Variants in ARPC2 observed in about 807,000 individuals in gnomAD.
ARPC2 encodes actin related protein 2/3 complex subunit 2.
Under a neutral mutation model 38.6 loss-of-function variants are expected in ARPC2, and 4 were observed. The observed-to-expected ratio is 0.10, with a 90% confidence interval of 0.05 to 0.24. The LOEUF (loss-of-function observed/expected upper bound fraction) is 0.24, where lower values mean the gene tolerates loss of function less well. ARPC2 is among the 10% of genes least tolerant of loss of function. ARPC2 has a pLI of 1.00. For synonymous variants in ARPC2, 125 were observed against 140.8 expected (o/e 0.89, Z 0.79); for missense variants, 229 against 387.3 (o/e 0.59, Z 3.43).
intron 8 of ARPC2, among the ~76,000 whole-genome samples, chr2:218,247,881 T>TG (rs755236233): frequency 6.6e-6 from 1 of 151,666 alleles, no homozygotes; most frequent in Non-Finnish European, 1.5e-5. Flanking sequence ...AGGCGGAGCT[T>TG]GCAATAGGCC....
At chr2:218,223,708 G>A (rs1689434129) in intron 2 of ARPC2, among the ~76,000 whole-genome samples, 1 of 152,178 alleles carries the variant, frequency 6.6e-6, no homozygotes. Context: ...TGGTCACATA[G>A]CCAATAAATT....
chr2:218,232,235 C>T (rs754208753), intron 4 of ARPC2, among the ~76,000 whole-genome samples: 11 of 150,866 alleles, frequency 7.3e-5, no homozygotes, highest in Non-Finnish European at 1.5e-4. Flanking sequence ...AGTGAGACTC[C>T]GTCTCAAAAA....
At chr2:218,223,807 T>C (rs2106144098) in intron 2 of ARPC2, among the ~76,000 whole-genome samples, 1 of 152,316 alleles carries the variant, frequency 6.6e-6, no homozygotes, top group East Asian at 1.9e-4. Flanking sequence ...CTATTAATTC[T>C]GGGGGCCTAT....
intron 10 of ARPC2, chr2:218,253,076 A>T: frequency 2.3e-6 from 1 of 439,910 alleles, no homozygotes; most frequent in Non-Finnish European, 4.6e-6. Flanking sequence ...GAAGCCAGGA[A>T]CCCTCGATGG....
At chr2:218,235,132 C>A (rs1689738894) in intron 5 of ARPC2, 1 of 299,096 alleles carries the variant, frequency 3.3e-6, no homozygotes, top group African/African-American at 2.2e-5. Flanking sequence ...GAAGGAAGTT[C>A]TCTGTCACTC....
intron 8 of ARPC2, among the ~76,000 whole-genome samples, chr2:218,246,598 T>C (rs1690038283): frequency 6.6e-6 from 1 of 152,050 alleles, no homozygotes; most frequent in African/African-American, 2.4e-5. Flanking sequence ...CCCAGCACTT[T>C]GGGAGTCCGA....
chr2:218,222,736 C>A (rs765478035), intron 2 of ARPC2, among the ~76,000 whole-genome samples: 2 of 152,190 alleles, frequency 1.3e-5, no homozygotes, highest in Non-Finnish European at 2.9e-5. Context: ...ATGAGCTAGG[C>A]ACTGTGCTAT....
chr2:218,237,513 C>A (rs891526906), intron 5 of ARPC2, among the ~76,000 whole-genome samples: 1 of 150,982 alleles, frequency 6.6e-6, no homozygotes, highest in African/African-American at 2.4e-5. Flanking sequence ...CTACCTGCCC[C>A]CCACCACCAA....
intron 2 of ARPC2, among the ~76,000 whole-genome samples, chr2:218,218,279 C>T (rs1325707267): frequency 2.0e-5 from 3 of 152,200 alleles, no homozygotes; most frequent in Admixed American, 1.3e-4. Context: ...TACATCAAGA[C>T]CCTAGGTCTG....
intron 3 of ARPC2, among the ~76,000 whole-genome samples, chr2:218,227,759 T>G (rs920361512): frequency 6.6e-6 from 1 of 152,002 alleles, no homozygotes; most frequent in Non-Finnish European, 1.5e-5. Flanking sequence ...CCCAGCTAAT[T>G]TTTTGTAATT....
chr2:218,245,883 G>C (rs561675704), intron 8 of ARPC2, among the ~76,000 whole-genome samples: 6 of 152,098 alleles, frequency 3.9e-5, no homozygotes, highest in Non-Finnish European at 8.8e-5. Context: ...AGTAGGAGAC[G>C]TCCTTAGGTT....
intron 4 of ARPC2, 134 bp downstream of exon 4, chr2:218,228,984 T>C (rs908789232): frequency 6.9e-6 from 4 of 579,644 alleles, no homozygotes; most frequent in African/African-American, 5.7e-5. Flanking sequence ...GCTCTTGACT[T>C]GATTCCTATA....
At chr2:218,219,854 C>T (rs1431387189) in intron 2 of ARPC2, among the ~76,000 whole-genome samples, 3 of 151,830 alleles carry the variant, frequency 2.0e-5, no homozygotes, top group African/African-American at 7.2e-5. Flanking sequence ...AAAAAAGAGA[C>T]CATGATATTG....
chr2:218,224,237 G>A (rs574671803), intron 2 of ARPC2, among the ~76,000 whole-genome samples: 1 of 152,256 alleles, frequency 6.6e-6, no homozygotes, highest in East Asian at 1.9e-4. Context: ...GAGCCCAAAG[G>A]TTATTTATTT....
intron 2 of ARPC2, among the ~76,000 whole-genome samples, chr2:218,223,401 C>T (rs1222722756): frequency 6.6e-6 from 1 of 152,220 alleles, no homozygotes; most frequent in African/African-American, 2.4e-5. Flanking sequence ...TTAATAATGG[C>T]TCCAAAGTAC....
At chr2:218,219,613 G>A (rs569377848) in intron 2 of ARPC2, among the ~76,000 whole-genome samples, 1 of 152,294 alleles carries the variant, frequency 6.6e-6, no homozygotes, top group African/African-American at 2.4e-5. Flanking sequence ...GCCTCCCAAA[G>A]TGCTGGGATT....
chr2:218,250,019 C>G (rs1032917385), intron 10 of ARPC2, 98 bp downstream of exon 10: 25 of 1,062,952 alleles, frequency 2.4e-5, no homozygotes, highest in South Asian at 2.9e-5. Flanking sequence ...TATCTGGGCA[C>G]TGGCTACATA....
intron 7 of ARPC2, among the ~76,000 whole-genome samples, chr2:218,244,290 A>G (rs988550800): frequency 6.6e-6 from 1 of 152,190 alleles, no homozygotes; most frequent in African/African-American, 2.4e-5. Context: ...CAGGCTGGGC[A>G]TTGGGGCTCC....
intron 5 of ARPC2, chr2:218,234,889 T>C (rs548934916): frequency 2.2e-6 from 1 of 456,766 alleles, no homozygotes; most frequent in Admixed American, 2.3e-5. Flanking sequence ...CCAGAGGAAT[T>C]GAAAGGCACC....
Sources: gnomAD v4.1 joint callset for allele counts (sites outside exome capture counted in the v4.1 genomes callset) on GRCh38, gnomAD v4.1.1 for gene constraint, MANE v1.5 for transcripts, NCBI Gene and HGNC (gene_info 2026-07-23, HGNC 2026-07-21) for gene names.